Variants in CASD1 observed in about 807,000 individuals in gnomAD.
The protein encoded by CASD1 is N-acetylneuraminate (7)9-O-acetyltransferase.
CASD1 carries 41 observed loss-of-function variants against 100.0 expected under a neutral mutation model. That is an observed-to-expected ratio of 0.41 (90% CI 0.32 to 0.53). The LOEUF (loss-of-function observed/expected upper bound fraction) is 0.53. CASD1 is among the 20% of genes least tolerant of loss of function. The pLI is 0.25. For synonymous variants in CASD1, 321 were observed against 315.6 expected, an observed-to-expected ratio of 1.02 and a Z score of -0.18; for missense variants, 774 against 948.7, an observed-to-expected ratio of 0.82 and a Z score of 2.42.
At chr7:94,581,311 C>T in the CASD1 span, among the ~76,000 whole-genome samples, 1 of 152,214 alleles carries the variant, frequency 6.6e-6, no homozygotes, top group Non-Finnish European at 1.5e-5. Flanking sequence ...CACTAGTTGT[C>T]AGGCAAACTT....
chr7:94,604,345 C>G, the CASD1 span, among the ~76,000 whole-genome samples: 13 of 151,874 alleles, frequency 8.6e-5, no homozygotes, highest in Admixed American at 5.9e-4. Flanking sequence ...TTCTAGCTGC[C>G]TTCTTTGCAG....
At position 94,552,375 on chromosome 7, in the gene CASD1, G is replaced by A; in HGVS notation, c.1982G>A (p.Cys661Tyr). The change falls in exon 16 of 18, where the codon TGT becomes TAT. Residue 661 changes from cysteine (C) to tyrosine (Y), a missense_variant. Cys to Tyr is a radical substitution (Grantham distance 194). Around this residue, in one of 5 missense-constraint regions of CASD1, gnomAD observed 175 missense variants for 206.9 expected, o/e 0.85. Coordinates refer to ENST00000297273, the MANE Select transcript of CASD1 (RefSeq NM_022900.5). The part of the protein sequence containing the change: ...FLTYSIWASS[C>Y]KNKAECNELH... ...ACCTATTCCATCTGGGCTAGCAGTT[G>A]TAAAAACAAAGCAGAGTGCAATGAA... The A allele has an allele frequency of 6.2e-7, 1 of 1,610,742 alleles. No homozygotes were observed. Among genetic ancestry groups the A allele is most frequent in the Non-Finnish European group, 8.5e-7 (1 of 1,178,850 alleles).
chr7:94,633,842 C>T, the CASD1 span, among the ~76,000 whole-genome samples: 1 of 152,184 alleles, frequency 6.6e-6, no homozygotes, highest in South Asian at 2.1e-4. Context: ...CTTCACAATT[C>T]TCACAATGAT....
At chr7:94,524,565 A>G (rs1028488710) in intron 3 of CASD1, among the ~76,000 whole-genome samples, 1 of 152,078 alleles carries the variant, frequency 6.6e-6, no homozygotes, top group African/African-American at 2.4e-5. Flanking sequence ...TGTTACAAAT[A>G]CTCCAGAAAA....
downstream of CASD1, among the ~76,000 whole-genome samples, chr7:94,558,344 C>CA (rs1453378438): frequency 6.6e-6 from 1 of 152,074 alleles, no homozygotes; most frequent in African/African-American, 2.4e-5. Context: ...GCAGACAATT[C>CA]AGTGTTTTGT....
At chr7:94,574,612 C>G in the CASD1 span, among the ~76,000 whole-genome samples, 1 of 151,306 alleles carries the variant, frequency 6.6e-6, no homozygotes, top group Non-Finnish European at 1.5e-5. Flanking sequence ...TTTGGATCTT[C>G]TCTCTTTTCT....
the CASD1 span, chr7:94,629,773 G>A: frequency 6.2e-7 from 1 of 1,611,000 alleles, no homozygotes; most frequent in Non-Finnish European, 8.5e-7. Flanking sequence ...TCCAAAACAT[G>A]AACAAAGAGG....
intron 10 of CASD1, among the ~76,000 whole-genome samples, chr7:94,539,908 G>A (rs2116350050): frequency 6.6e-6 from 1 of 152,258 alleles, no homozygotes; most frequent in East Asian, 1.9e-4. Flanking sequence ...TGTAGACTAT[G>A]TAGGGTGTGC....
At chr7:94,628,100 G>A in the CASD1 span, 3 of 833,776 alleles carry the variant, frequency 3.6e-6, no homozygotes, top group East Asian at 2.6e-5. Context: ...CCACCATCAG[G>A]TAACTTTAGT....
rs117258633 is a variant in CASD1, at chr7:94,549,780, C to T, written c.1815+146C>T. 9.2e-4 allele frequency: 509 copies of T among 551,208 alleles called. 5 individuals are homozygous for T. The East Asian group carries it at 0.015, about 17-fold the overall frequency. 34.1% of individuals were successfully genotyped at this position (551,208 alleles called of 1,614,324 possible). A position where few individuals can be genotyped will look rare whatever the true frequency, so the allele number is the denominator to read the frequency against. On this transcript the variant is annotated intron_variant, in intron 14 of 17. Transcript: ENST00000297273. Reference sequence around the variant, plus strand: ...AAGCAGTCCAGCAGTCCACTACCCCCTGCACTCTTTTCTTTACAGCAGTGA... The same window carrying T: ...AAGCAGTCCAGCAGTCCACTACCCCTTGCACTCTTTTCTTTACAGCAGTGA...
chr7:94,544,876 G>C (rs1393282173), intron 11 of CASD1, among the ~76,000 whole-genome samples: 1 of 152,178 alleles, frequency 6.6e-6, no homozygotes, highest in East Asian at 1.9e-4. Flanking sequence ...TCTACCTAGT[G>C]CTAAGCAGTT....
chr7:94,629,641 T>C, the CASD1 span: 1 of 1,233,992 alleles, frequency 8.1e-7, no homozygotes, highest in South Asian at 1.2e-5. Flanking sequence ...TGATATTTTA[T>C]CATATATGTC....
At chr7:94,513,074 C>T (rs1793794211) in intron 1 of CASD1, among the ~76,000 whole-genome samples, 1 of 152,148 alleles carries the variant, frequency 6.6e-6, no homozygotes, top group Non-Finnish European at 1.5e-5. Context: ...CAGTGGCTCA[C>T]GCCTATAATC....
At chr7:94,598,005 CT>C in the CASD1 span, 1 of 166,336 alleles carries the variant, frequency 6.0e-6, no homozygotes, top group Non-Finnish European at 1.3e-5. Context: ...GAAACTCCAT[CT>C]TAAAAAAAAA....
chr7:94,585,606 GTT>G, the CASD1 span: 1 of 837,390 alleles, frequency 1.2e-6, no homozygotes, highest in Admixed American at 1.7e-5. Flanking sequence ...CAAGGAGAAA[GTT>G]TCCATCTTCT....
chr7:94,528,081 A>C (rs1794663736), intron 4 of CASD1, 107 bp from the exon 5 acceptor site: 4 of 745,296 alleles, frequency 5.4e-6, no homozygotes, highest in Non-Finnish European at 9.2e-6. Flanking sequence ...TGGACAAGGT[A>C]GTGTTTTACT....
At chr7:94,590,412 C>T in the CASD1 span, 5 of 151,822 alleles carry the variant, frequency 3.3e-5, no homozygotes, top group Non-Finnish European at 7.4e-5. Context: ...TTTAATTGCC[C>T]CAAAGTATAT....
the CASD1 span, chr7:94,598,810 A>C: frequency 6.2e-7 from 1 of 1,613,566 alleles, no homozygotes; most frequent in African/African-American, 1.3e-5. Flanking sequence ...TTGTGCTATC[A>C]TAGTTGTCTG....
the CASD1 span, chr7:94,619,142 A>G: frequency 1.0e-5 from 6 of 595,476 alleles, no homozygotes; most frequent in African/African-American, 9.3e-5. Flanking sequence ...GACATTAGAA[A>G]CAGAACTTTA....
Sources: allele counts gnomAD v4.1 joint callset (sites outside exome capture counted in the v4.1 genomes callset), GRCh38; gene constraint gnomAD v4.1.1; regional missense constraint gnomAD v4.1.1; transcripts MANE v1.5; gene names NCBI Gene and HGNC (gene_info 2026-07-23, HGNC 2026-07-21).